GRIK4: variants seen among roughly 807,000 people sequenced by gnomAD.
GRIK4 encodes the protein glutamate ionotropic receptor kainate type subunit 4, also known as glutamate receptor ionotropic, kainate 4.
In GRIK4, 40 loss-of-function variants were observed where a neutral mutation model predicts 104.9. The ratio of observed to expected loss-of-function variants is 0.38; its 90% confidence interval spans 0.30 to 0.50. The LOEUF (loss-of-function observed/expected upper bound fraction) is 0.50. Among genes scored for constraint, GRIK4 ranks in the 20% least tolerant of loss-of-function variants. GRIK4 has a pLI of 0.93. For synonymous variants in GRIK4, 485 were observed against 524.9 expected (o/e 0.92, Z 1.04); for missense variants, 1,047 against 1,308.1 (o/e 0.80, Z 3.08).
At chr11:120,773,345 G>C (rs1456955178) in intron 3 of GRIK4, among the ~76,000 whole-genome samples, 1 of 152,196 alleles carries the variant, frequency 6.6e-6, no homozygotes, top group Admixed American at 6.5e-5. Context: ...CCGACAGTGT[G>C]GTTGACTAGA....
intron 13 of GRIK4, among the ~76,000 whole-genome samples, chr11:120,929,016 TGC>T (rs1300871821): frequency 2.5e-5 from 3 of 121,136 alleles, no homozygotes; most frequent in East Asian, 7.4e-4. Context: ...TATGTGTGTG[TGC>T]GCACATGTGT....
At chr11:120,800,844 C>T (rs1280278693) in intron 3 of GRIK4, among the ~76,000 whole-genome samples, 1 of 152,202 alleles carries the variant, frequency 6.6e-6, no homozygotes, top group African/African-American at 2.4e-5. Flanking sequence ...TCAAGGGCCA[C>T]GTGTCAGTGA....
intron 1 of GRIK4, among the ~76,000 whole-genome samples, chr11:120,569,817 T>A (rs1591701972): frequency 6.6e-6 from 1 of 152,010 alleles, no homozygotes; most frequent in African/African-American, 2.4e-5. Context: ...GGGAGCTAGG[T>A]AGGGTAAACT....
chr11:120,586,339 A>G (rs1464531594), intron 1 of GRIK4, among the ~76,000 whole-genome samples: 1 of 151,930 alleles, frequency 6.6e-6, no homozygotes, highest in Non-Finnish European at 1.5e-5. Flanking sequence ...AATTGAAAAG[A>G]GTTTAGAGTA....
Position 120,986,046 on chromosome 11 carries a change from C to T in GRIK4, c.2657C>T (p.Thr886Met), listed in dbSNP as rs1944741469. Reference protein sequence around the residue: ...PEERRPRGTATLSNGKLCGAG... With the variant: ...PEERRPRGTAMLSNGKLCGAG... ...GAGCGCCGACCGCGGGGCACGGCGACGCTCAGCAACGGGAAGCTGTGCGGG... is the reference window on the plus strand; with the variant it reads ...GAGCGCCGACCGCGGGGCACGGCGATGCTCAGCAACGGGAAGCTGTGCGGG... Residue 886 changes from threonine to methionine, a missense_variant, in exon 21 of 21, where the codon ACG becomes ATG. Thr to Met is a moderately conservative substitution (Grantham distance 81). Around this residue, in one of 3 missense-constraint regions of GRIK4, gnomAD observed 160 missense variants for 140.9 expected, o/e 1.14. Transcript: ENST00000527524. The T allele has an allele frequency of 2.0e-6, 3 of 1,522,202 alleles. No individual in the cohort carries two copies. Among genetic ancestry groups the T allele is most frequent in the Non-Finnish European group, 2.6e-6 (3 of 1,137,212 alleles). 94.3% of individuals were successfully genotyped at this position (1,522,202 alleles called of 1,614,324 possible).
intron 3 of GRIK4, among the ~76,000 whole-genome samples, chr11:120,734,726 T>A (rs1053537704): frequency 6.6e-6 from 1 of 152,200 alleles, no homozygotes; most frequent in Admixed American, 6.5e-5. Flanking sequence ...TGTTTCATTC[T>A]TTTTTCTCCT....
intron 3 of GRIK4, among the ~76,000 whole-genome samples, chr11:120,673,360 A>C (rs1273085086): frequency 6.6e-6 from 1 of 152,224 alleles, no homozygotes; most frequent in East Asian, 1.9e-4. Context: ...GGGCGGTCTC[A>C]CGGACACAGA....
At chr11:120,966,317 A>G (rs1944382834) in intron 18 of GRIK4, among the ~76,000 whole-genome samples, 1 of 152,146 alleles carries the variant, frequency 6.6e-6, no homozygotes, top group South Asian at 2.1e-4. Flanking sequence ...ACTTCTCTGG[A>G]TAAACAGTTG....
intron 16 of GRIK4, among the ~76,000 whole-genome samples, chr11:120,958,261 C>G (rs988936045): frequency 1.3e-5 from 2 of 152,286 alleles, no homozygotes; most frequent in Non-Finnish European, 2.9e-5. Flanking sequence ...CTCCAGGACC[C>G]AGCCATCCTG....
intron 1 of GRIK4, among the ~76,000 whole-genome samples, chr11:120,518,523 C>T (rs575710422): frequency 2.0e-5 from 3 of 151,994 alleles, no homozygotes; most frequent in Non-Finnish European, 4.4e-5. Flanking sequence ...GGCCCAAAGC[C>T]CAGGGTGTTT....
chr11:120,840,429 C>T (rs1354871074), intron 8 of GRIK4, among the ~76,000 whole-genome samples: 2 of 152,110 alleles, frequency 1.3e-5, no homozygotes, highest in African/African-American at 4.8e-5. Flanking sequence ...AGGAATCATT[C>T]CCCACAGAGG....
chr11:120,780,087 A>G (rs1477961458), intron 3 of GRIK4, among the ~76,000 whole-genome samples: 2 of 152,250 alleles, frequency 1.3e-5, no homozygotes, highest in African/African-American at 2.4e-5. Context: ...CTAGATTATC[A>G]TGAGATACAA....
intron 1 of GRIK4, among the ~76,000 whole-genome samples, chr11:120,565,632 C>G (rs980207984): frequency 2.6e-5 from 4 of 152,114 alleles, no homozygotes; most frequent in African/African-American, 4.8e-5. Flanking sequence ...TGAGGAAGGA[C>G]GACAGGTAGG....
At chr11:120,612,981 A>G (rs1949056585) in intron 1 of GRIK4, among the ~76,000 whole-genome samples, 1 of 152,150 alleles carries the variant, frequency 6.6e-6, no homozygotes, top group African/African-American at 2.4e-5. Flanking sequence ...AGCATTTCTA[A>G]TCAGTGACCC....
chr11:120,646,845 AT>A (rs1378211619), intron 1 of GRIK4, among the ~76,000 whole-genome samples: 4 of 152,212 alleles, frequency 2.6e-5, no homozygotes, highest in Admixed American at 6.5e-5. Flanking sequence ...TTCTCACTGC[AT>A]GTTATCAAAC....
intron 3 of GRIK4, among the ~76,000 whole-genome samples, chr11:120,795,773 A>C (rs1952498318): frequency 6.6e-6 from 1 of 152,126 alleles, no homozygotes; most frequent in African/African-American, 2.4e-5. Flanking sequence ...GGTTTTTTTA[A>C]GTACAGCCAT....
rs184370178 is a variant in GRIK4 at position 120,742,164 on chromosome 11, G to A, written c.83-60529G>A. Reference sequence around the variant, plus strand: ...AGTTCAAGACCAGCCTGGCCAACATGGGGAAACCCCGTCTCTACTAAAAAT... The same window carrying A: ...AGTTCAAGACCAGCCTGGCCAACATAGGGAAACCCCGTCTCTACTAAAAAT... On this transcript the variant is annotated intron_variant, in intron 3 of 20. Coordinates refer to ENST00000527524, the MANE Select transcript of GRIK4 (RefSeq NM_014619.5). 2.3e-3 allele frequency among the ~76,000 whole-genome samples: 347 copies of A among 152,120 alleles called. 3 individuals are homozygous for A. The highest frequency in any genetic ancestry group is 7.8e-3 in the African/African-American group (322 of 41,470).
chr11:120,928,988 T>C (rs113640703), intron 13 of GRIK4, among the ~76,000 whole-genome samples: 8,500 of 118,580 alleles, frequency 0.072, 304 homozygotes, highest in Middle Eastern at 0.1. Context: ...TGTGTGTGTG[T>C]GCGCGCGTGC....
intron 1 of GRIK4, among the ~76,000 whole-genome samples, chr11:120,630,996 C>T (rs2135182691): frequency 6.6e-6 from 1 of 152,360 alleles, no homozygotes; most frequent in Middle Eastern, 3.4e-3. Context: ...CTGGGTCTGG[C>T]TCTATCTCTG....
Sources: gnomAD v4.1 joint callset for allele counts (sites outside exome capture counted in the v4.1 genomes callset) on GRCh38, gnomAD v4.1.1 for gene constraint, gnomAD v4.1.1 regional missense constraint, MANE v1.5 for transcripts, NCBI Gene and HGNC (gene_info 2026-07-23, HGNC 2026-07-21) for gene names.